MRPL20: variants seen among roughly 807,000 people sequenced by gnomAD.
MRPL20 encodes large ribosomal subunit protein bL20m.
A neutral mutation model predicts 20.0 loss-of-function variants in MRPL20; 21 were observed. The ratio of observed to expected loss-of-function variants is 1.05; its 90% confidence interval spans 0.74 to 1.51. MRPL20 has a LOEUF of 1.51. Ranked by LOEUF, MRPL20 falls within the 40% of genes most tolerant of loss-of-function variation. The pLI, the probability that MRPL20 is intolerant of heterozygous loss-of-function variation, is 0.00. For missense variants in MRPL20, 252 were observed against 185.6 expected (o/e 1.36, Z -2.08); for synonymous variants, 104 against 73.0 (o/e 1.43, Z -2.17).
chr1:1,406,696 G>T (rs1358159591), intron 2 of MRPL20: 1 of 589,972 alleles, frequency 1.7e-6, no homozygotes, highest in Non-Finnish European at 3.1e-6. Flanking sequence ...CGAGGGGCTG[G>T]AGCAGGGGGT....
intron 3 of MRPL20, chr1:1,405,148 C>A (rs1446940313): frequency 3.3e-5 from 5 of 153,712 alleles, no homozygotes; most frequent in Admixed American, 3.2e-4. Context: ...CGCCACCACA[C>A]CTGGCTAATT....
chr1:1,406,674 C>G, intron 2 of MRPL20: 1 of 551,348 alleles, frequency 1.8e-6, no homozygotes, highest in Non-Finnish European at 3.2e-6. Context: ...GGCGGCTCTG[C>G]AGTGGCCCGG....
intron 2 of MRPL20, chr1:1,406,667 G>A: frequency 1.8e-6 from 1 of 547,218 alleles, no homozygotes; most frequent in Non-Finnish European, 3.3e-6. Context: ...GTGTCAAGGC[G>A]GCTCTGCAGT....
intron 3 of MRPL20, among the ~76,000 whole-genome samples, chr1:1,404,217 G>T (rs372824503): frequency 2.7e-5 from 4 of 150,562 alleles, no homozygotes; most frequent in Non-Finnish European, 5.9e-5. Context: ...GCAGTGGCGC[G>T]ATCTCAGCTC....
In MRPL20 at chr1:1,402,068, A is replaced by T. The variant is rs376290095; in HGVS notation, c.*15T>A. On this transcript the variant is annotated 3_prime_UTR_variant, in exon 4 of 4. Coordinates refer to ENST00000344843, the MANE Select transcript of MRPL20 (RefSeq NM_017971.4). Reference sequence around the variant, plus strand: ...ATTACTCTGTCTCTTTTCCTAATCAATACAGCAACAGTCCTCAGTGGTACT... The same window carrying T: ...ATTACTCTGTCTCTTTTCCTAATCATTACAGCAACAGTCCTCAGTGGTACT... The T allele has an allele frequency of 2.0e-5, 32 of 1,601,942 alleles. No individual in the cohort carries two copies. In the African/African-American group the frequency reaches 3.8e-4, roughly 19 times the overall value.
Position 1,402,136 on chromosome 1 carries a change from C to G in MRPL20, c.397G>C (p.Gly133Arg). The G allele has an allele frequency of 6.2e-7, 1 of 1,614,160 alleles. No homozygotes were observed. Among genetic ancestry groups the G allele is most frequent in the Non-Finnish European group, 8.5e-7 (1 of 1,180,026 alleles). The change falls in exon 4 of 4, where the codon GGG (glycine) becomes CGG (arginine). Residue 133 changes from glycine to arginine, a missense_variant. Physicochemically the swap from Gly to Arg is moderately radical, Grantham distance 125 (BLOSUM62 -2). Transcript: ENST00000344843. The stretch of plus-strand genomic sequence containing the variant: ...ATGCCTTCAGGTTCCTTCCCATCCC[C>G]CAAGGCAGCAGCAAATCCTTCGTGT... ...RRHEGFAAALGDGKEPEGIFS... is the reference protein window; with the variant it reads ...RRHEGFAAALRDGKEPEGIFS...
chr1:1,402,265 AGAAT>A lies in MRPL20; in HGVS notation c.277-13_277-10del. ...TTGAGCTCCACCTGGCACTGAAAAA[AGAAT>A]GAATCAGAACCTGCTGTCAGTGTGA... On this transcript the variant is annotated splice_polypyrimidine_tract_variant and intron_variant, in intron 3 of 3. Transcript: ENST00000344843. 1.2e-6 allele frequency: 2 copies of A among 1,602,656 alleles called. No individual in the cohort carries two copies. Among genetic ancestry groups the A allele is most frequent in the African/African-American group, 1.3e-5 (1 of 74,526 alleles).
Position 1,402,265 on chromosome 1 carries a change from AGAATGAATCAGAACCTGCTGTCAGTGT to A in MRPL20, c.277-36_277-10del. 6.2e-7 allele frequency: 1 copy of A among 1,602,656 alleles called. No individual in the cohort carries two copies. The highest frequency in any genetic ancestry group is 8.5e-7 in the Non-Finnish European group (1 of 1,174,664). ...TTGAGCTCCACCTGGCACTGAAAAA[AGAATGAATCAGAACCTGCTGTCAGTGT>A]GAGACACACACTCCGGCTCCGCGTG... On this transcript the variant is annotated splice_polypyrimidine_tract_variant and intron_variant, in intron 3 of 3. Transcript: ENST00000344843.
intron 3 of MRPL20, chr1:1,405,305 C>T (rs951779775): frequency 3.5e-6 from 1 of 282,612 alleles, no homozygotes; most frequent in Non-Finnish European, 6.7e-6. Flanking sequence ...AGACGGGGTC[C>T]TGCTCTCACC....
chr1:1,405,802 C>T lies in MRPL20; in HGVS notation c.276+7G>A. ...AATTTCAGTGGGACCCACATACTCA[C>T]CCATACCTTAACTAAATTCCCAATG... On this transcript the variant is annotated splice_region_variant and intron_variant, in intron 3 of 3. Transcript: ENST00000344843. 1 of 1,614,142 alleles carries T rather than the reference C, an allele frequency of 6.2e-7. No individual in the cohort carries two copies. Among genetic ancestry groups the T allele is most frequent in the South Asian group, 1.1e-5 (1 of 91,088 alleles).
chr1:1,406,551 G>C (rs1481432304), intron 2 of MRPL20: 1 of 327,004 alleles, frequency 3.1e-6, no homozygotes, highest in Non-Finnish European at 5.9e-6. Context: ...AGTAGCCCTG[G>C]AGGGTTGGCA....
chr1:1,401,974 G>A lies in MRPL20; in HGVS notation c.*109C>T. On this transcript the variant is annotated 3_prime_UTR_variant, in exon 4 of 4. Transcript: ENST00000344843. ...CATCTGTGAGGCTCTGTCCCAGAGA[G>A]ACAGGGCCATCCCTCATGTCTGTTA... The A allele has an allele frequency of 8.0e-7, 1 of 1,257,104 alleles. No homozygotes were observed. The highest frequency in any genetic ancestry group is 1.1e-6 in the Non-Finnish European group (1 of 903,548). 77.9% of individuals were successfully genotyped at this position (1,257,104 alleles called of 1,614,324 possible). A position where few individuals can be genotyped will look rare whatever the true frequency, so the allele number is the denominator to read the frequency against.
rs1645335129 is a variant in MRPL20, at chr1:1,402,047, CTCTG to C, written c.*32_*35del. 1 of 1,577,538 alleles carries C rather than the reference CTCTG, an allele frequency of 6.3e-7. No homozygotes were observed. The highest frequency in any genetic ancestry group is 1.2e-5 in the South Asian group (1 of 86,462). On this transcript the variant is annotated 3_prime_UTR_variant, in exon 4 of 4. Coordinates refer to ENST00000344843, the MANE Select transcript of MRPL20 (RefSeq NM_017971.4). ...TATAAATCAAACAAACTGCAAATTA[CTCTG>C]TCTCTTTTCCTAATCAATACAGCAA...
intron 3 of MRPL20, chr1:1,405,259 G>A (rs1025264541): frequency 2.6e-5 from 5 of 189,244 alleles, no homozygotes; most frequent in Non-Finnish European, 4.4e-5. Context: ...ACAGGCCTGA[G>A]CCACCCTGCC....
chr1:1,406,353 G>T (rs1003576319), intron 2 of MRPL20: 1 of 176,686 alleles, frequency 5.7e-6, no homozygotes, highest in Admixed American at 5.5e-5. Flanking sequence ...CCGTCTCGGG[G>T]TAAGAAAAAA....
rs1426353815 is a variant in MRPL20 at position 1,402,268 on chromosome 1, A to G, written c.277-12T>C. The stretch of plus-strand genomic sequence containing the variant: ...AGCTCCACCTGGCACTGAAAAAAGA[A>G]TGAATCAGAACCTGCTGTCAGTGTG... On this transcript the variant is annotated splice_polypyrimidine_tract_variant and intron_variant, in intron 3 of 3. Coordinates refer to ENST00000344843, the MANE Select transcript of MRPL20 (RefSeq NM_017971.4). 6.2e-7 allele frequency: 1 copy of G among 1,602,788 alleles called. No homozygotes were observed. Among genetic ancestry groups the G allele is most frequent in the Admixed American group, 1.7e-5 (1 of 58,150 alleles).
chr1:1,402,909 A>G (rs1645346791), intron 3 of MRPL20, among the ~76,000 whole-genome samples: 1 of 152,098 alleles, frequency 6.6e-6, no homozygotes, highest in African/African-American at 2.4e-5. Context: ...CAGGCGGATC[A>G]CCAGGTCAGG....
chr1:1,402,547 C>T (rs1645342009), intron 3 of MRPL20: 2 of 1,149,844 alleles, frequency 1.7e-6, no homozygotes, highest in East Asian at 4.7e-5. Context: ...TGGTCACCAC[C>T]CTGACTGAGC....
chr1:1,406,132 G>A (rs999338265), intron 2 of MRPL20: 14 of 450,172 alleles, frequency 3.1e-5, no homozygotes, highest in Non-Finnish European at 5.2e-5. Flanking sequence ...AAGGCAGGCA[G>A]ATCATTTCAG....
Sources: gnomAD v4.1 joint callset for allele counts (sites outside exome capture counted in the v4.1 genomes callset) on GRCh38, gnomAD v4.1.1 for gene constraint, MANE v1.5 for transcripts, NCBI Gene and HGNC (gene_info 2026-07-23, HGNC 2026-07-21) for gene names.